Variants in PMEL observed in about 807,000 individuals in gnomAD.
The protein encoded by PMEL is melanocyte protein PMEL.
A neutral mutation model predicts 64.9 loss-of-function variants in PMEL; 53 were observed. The observed-to-expected ratio is 0.82, with a 90% CI of 0.66 to 1.03. The LOEUF (loss-of-function observed/expected upper bound fraction) is 1.03, where lower values mean the gene tolerates loss of function less well. Ranked by LOEUF, PMEL falls within the 50% of genes least tolerant of loss-of-function variation. The pLI is 0.00. For synonymous variants in PMEL, 299 were observed against 316.2 expected, an observed-to-expected ratio of 0.95 and a Z score of 0.58; for missense variants, 716 against 814.9, an observed-to-expected ratio of 0.88 and a Z score of 1.48.
At position 55,954,724 on chromosome 12, in the gene PMEL, C is replaced by A. The variant is rs377561672; in HGVS notation, c.1851-375G>T. Among the ~76,000 whole-genome samples, 4 of 152,172 alleles carry A rather than the reference C, an allele frequency of 2.6e-5. No homozygotes were observed. In the East Asian group the frequency reaches 7.7e-4, roughly 29 times the overall value. On this transcript the variant is annotated intron_variant, in intron 10 of 10. Coordinates refer to ENST00000548747, the MANE Select transcript of PMEL (RefSeq NM_001384361.1). ...TTTGAGACCAGCCTGGCCAACATGGCGAAACCCTGTCTTTACTAAAAATAC... is the reference window on the plus strand; with the variant it reads ...TTTGAGACCAGCCTGGCCAACATGGAGAAACCCTGTCTTTACTAAAAATAC...
chr12:55,962,060 T>G (rs1889122006), intron 1 of PMEL, among the ~76,000 whole-genome samples: 1 of 152,058 alleles, frequency 6.6e-6, no homozygotes, highest in South Asian at 2.1e-4. Flanking sequence ...GGTCTCGAAC[T>G]CCCGACCTTA....
intron 1 of PMEL, among the ~76,000 whole-genome samples, chr12:55,964,752 A>G (rs1449805527): frequency 2.0e-5 from 3 of 151,392 alleles, no homozygotes; most frequent in South Asian, 2.1e-4. Context: ...CGGCCTCCCA[A>G]GTAGTTGGGA....
In PMEL at chr12:55,957,925, G is replaced by A; in HGVS notation, c.629C>T (p.Thr210Ile). ...CTTGCCCCTTCCTAAACCCTTACCAGTAATGGTGAAGGCTGAGCTGGAATG... is the reference window on the plus strand; with the variant it reads ...CTTGCCCCTTCCTAAACCCTTACCAATAATGGTGAAGGCTGAGCTGGAATG... ...LAHSSSAFTI[T>I]DQVPFSVSVS... The change falls in exon 5 of 11, where the codon ACT becomes ATT. Residue 210 changes from threonine to isoleucine, a missense_variant and splice_region_variant. Coordinates refer to ENST00000548747, the MANE Select transcript of PMEL (RefSeq NM_001384361.1). 1 of 1,614,056 alleles carries A rather than the reference G, an allele frequency of 6.2e-7. No homozygotes were observed. The highest frequency in any genetic ancestry group is 1.6e-4 in the Middle Eastern group (1 of 6,062).
chr12:55,954,867 A>C (rs1462245011), intron 10 of PMEL, among the ~76,000 whole-genome samples: 1 of 152,062 alleles, frequency 6.6e-6, no homozygotes, highest in Admixed American at 6.6e-5. Flanking sequence ...TTATGCCACT[A>C]TACTCCAGCC....
chr12:55,962,064 G>A (rs555484401), intron 1 of PMEL, among the ~76,000 whole-genome samples: 10 of 152,082 alleles, frequency 6.6e-5, no homozygotes, highest in African/African-American at 2.2e-4. Flanking sequence ...TCGAACTCCC[G>A]ACCTTAGGTG....
intron 6 of PMEL, 116 bp from the exon 7 acceptor site, chr12:55,956,335 G>C (rs1242563469): frequency 1.4e-6 from 1 of 692,604 alleles, no homozygotes; most frequent in Non-Finnish European, 2.6e-6. Context: ...GGAGTCACAG[G>C]CTTGGAATCA....
chr12:55,965,629 TAA>T (rs1355034075), intron 1 of PMEL, among the ~76,000 whole-genome samples: 1 of 152,136 alleles, frequency 6.6e-6, no homozygotes, highest in Admixed American at 6.6e-5. Flanking sequence ...AGACGTTTCC[TAA>T]AAGAGTCTCC....
chr12:55,964,579 T>G (rs1889216358), intron 1 of PMEL, among the ~76,000 whole-genome samples: 3 of 152,162 alleles, frequency 2.0e-5, no homozygotes. Flanking sequence ...GTGCTGGGAT[T>G]ACAGGTGTGA....
upstream of PMEL, chr12:55,966,264 T>G (rs1889296108): frequency 1.7e-6 from 1 of 571,522 alleles, no homozygotes; most frequent in South Asian, 2.1e-5. Context: ...GGGCAAGAGC[T>G]AACTGAAAGG....
At chr12:55,958,182 A>T in intron 4 of PMEL, 98 bp from the exon 5 acceptor site, 1 of 1,258,324 alleles carries the variant, frequency 7.9e-7, no homozygotes, top group South Asian at 1.4e-5. Context: ...GGAGGTCAGG[A>T]AGTATGATTA....
At chr12:55,955,744 C>A in intron 8 of PMEL, 35 bp downstream of exon 8, 1 of 1,609,982 alleles carries the variant, frequency 6.2e-7, no homozygotes, top group Non-Finnish European at 8.5e-7. Context: ...AAACAGTCAA[C>A]CAAAGAGTTA....
intron 1 of PMEL, among the ~76,000 whole-genome samples, chr12:55,965,084 T>A (rs2136452483): frequency 6.6e-6 from 1 of 151,914 alleles, no homozygotes; most frequent in East Asian, 1.9e-4. Flanking sequence ...TGTGCCACCA[T>A]GCCCAGCTAA....
chr12:55,955,918 G>T, intron 7 of PMEL, 55 bp from the exon 8 acceptor site: 1 of 1,491,616 alleles, frequency 6.7e-7, no homozygotes. Context: ...CTCCCCAAAA[G>T]CCCAGAGACA....
In PMEL at chr12:55,955,363, TG is replaced by T; in HGVS notation, c.1763-3del. The T allele has an allele frequency of 6.2e-7, 1 of 1,614,174 alleles. No homozygotes were observed. The highest frequency in any genetic ancestry group is 8.5e-7 in the Non-Finnish European group (1 of 1,180,016). Reference sequence around the variant, plus strand: ...CCTGCCCAAGGCCTGCTTCTTGACCTGTGAGAAGAATCCCAGGCACTGCTTC... The same window carrying T: ...CCTGCCCAAGGCCTGCTTCTTGACCTTGAGAAGAATCCCAGGCACTGCTTC... On this transcript the variant is annotated splice_region_variant and splice_polypyrimidine_tract_variant and intron_variant, in intron 9 of 10. Coordinates refer to ENST00000548747, the MANE Select transcript of PMEL (RefSeq NM_001384361.1).
At chr12:55,955,247 G>T in intron 10 of PMEL, 27 bp downstream of exon 10, 6 of 1,468,304 alleles carry the variant, frequency 4.1e-6, no homozygotes, top group Non-Finnish European at 5.7e-6. Context: ...GGATAAGGGG[G>T]TCTGAGCTGT....
intron 4 of PMEL, 139 bp from the exon 5 acceptor site, chr12:55,958,223 G>T: frequency 1.1e-6 from 1 of 920,766 alleles, no homozygotes; most frequent in Non-Finnish European, 1.6e-6. Context: ...GCTGTGATAT[G>T]GGGGGACAGG....
intron 6 of PMEL, chr12:55,956,534 T>C (rs1278312000): frequency 3.0e-6 from 1 of 337,694 alleles, no homozygotes; most frequent in Non-Finnish European, 5.4e-6. Context: ...TAAGCATCAC[T>C]GTTTCATTCC....
chr12:55,961,138 G>C, intron 3 of PMEL, 179 bp downstream of exon 3: 1 of 544,692 alleles, frequency 1.8e-6, no homozygotes, highest in South Asian at 2.1e-5. Flanking sequence ...CCGGGAGGCA[G>C]AGCTTGCAGT....
chr12:55,954,348 G>T lies in PMEL; in HGVS notation c.1852C>A (p.Arg618Ser), dbSNP rs149844549. The stretch of plus-strand genomic sequence containing the variant: ...GAGAAGTCTTGCTTCATAAGTCTGC[G>T]CCTGATATTGGGAGAAGGGGTAAAC... Reference protein sequence around the residue: ...AVVLASLIYRRRLMKQDFSVP... With the variant: ...AVVLASLIYRSRLMKQDFSVP... The change falls in exon 11 of 11, where the codon CGC becomes AGC. Residue 618 changes from arginine to serine, a missense_variant and splice_region_variant. Coordinates refer to ENST00000548747, the MANE Select transcript of PMEL (RefSeq NM_001384361.1). 3 of 1,613,900 alleles carry T rather than the reference G, an allele frequency of 1.9e-6. No individual in the cohort carries two copies. Among genetic ancestry groups the T allele is most frequent in the South Asian group, 1.1e-5 (1 of 91,068 alleles).
Sources: allele counts gnomAD v4.1 joint callset (sites outside exome capture counted in the v4.1 genomes callset), GRCh38; gene constraint gnomAD v4.1.1; transcripts MANE v1.5; gene names NCBI Gene and HGNC (gene_info 2026-07-23, HGNC 2026-07-21).